The following MYO5A variants were observed in gnomAD, a reference collection of about 807,000 sequenced individuals.
MYO5A encodes unconventional myosin-Va.
In MYO5A, 98 loss-of-function variants were observed where a neutral mutation model predicts 249.7. The ratio of observed to expected loss-of-function variants is 0.39; its 90% CI spans 0.33 to 0.46. The LOEUF (loss-of-function observed/expected upper bound fraction) is 0.46. Ranked by LOEUF, MYO5A falls within the 20% of genes least tolerant of loss-of-function variation. MYO5A has a pLI of 0.98. For synonymous variants in MYO5A, 778 were observed against 810.6 expected, an observed-to-expected ratio of 0.96 and a Z score of 0.68; for missense variants, 1,696 against 2,308.8, an observed-to-expected ratio of 0.73 and a Z score of 5.44.
intron 30 of MYO5A, 133 bp from the exon 31 acceptor site, chr15:52,343,330 G>T: frequency 1.3e-6 from 1 of 759,076 alleles, no homozygotes; most frequent in Non-Finnish European, 2.3e-6. Flanking sequence ...ACAACTTTAA[G>T]ACATTACCAC....
chr15:52,389,390 G>T lies in MYO5A; in HGVS notation c.1543-27C>A, dbSNP rs1567079155. The stretch of plus-strand genomic sequence containing the variant: ...TATATTCATGGAAAAAAGGAAGAAA[G>T]AAAACAAGGTAAATACTGTGATTCC... On this transcript the variant is annotated intron_variant, in intron 12 of 41. Coordinates refer to ENST00000399233, the MANE Select transcript of MYO5A (RefSeq NM_001382347.1). 5 of 1,604,534 alleles carry T rather than the reference G, an allele frequency of 3.1e-6. No individual in the cohort carries two copies. In the Admixed American group the frequency reaches 6.7e-5, roughly 21 times the overall value.
At chr15:52,518,123 C>G (rs1459958952) in intron 1 of MYO5A, among the ~76,000 whole-genome samples, 1 of 152,040 alleles carries the variant, frequency 6.6e-6, no homozygotes. Flanking sequence ...CCCATCCCCA[C>G]CATCCCAAGA....
chr15:52,482,968 G>A (rs1305069780), intron 1 of MYO5A, among the ~76,000 whole-genome samples: 1 of 152,162 alleles, frequency 6.6e-6, no homozygotes, highest in East Asian at 1.9e-4. Context: ...GCACACATAT[G>A]AATACAGAGG....
chr15:52,356,772 G>T, intron 25 of MYO5A, among the ~76,000 whole-genome samples: 1 of 124,960 alleles, frequency 8.0e-6, no homozygotes, highest in Non-Finnish European at 1.5e-5. Flanking sequence ...GTGGCACTTC[G>T]CTGTTGATTT....
In MYO5A at chr15:52,317,036, A is replaced by C. The variant is rs1194824744; in HGVS notation, c.5409+12T>G. The C allele has an allele frequency of 2.5e-6, 4 of 1,609,842 alleles. No individual in the cohort carries two copies. Among genetic ancestry groups the C allele is most frequent in the Non-Finnish European group, 3.4e-6 (4 of 1,176,128 alleles). ...ATGTTAAATTATTTTGTAACAGGGA[A>C]AGTTGCTCTACCTGGGCAGTAGTTA... On this transcript the variant is annotated intron_variant, in intron 40 of 41. Coordinates refer to ENST00000399233, the MANE Select transcript of MYO5A (RefSeq NM_001382347.1).
chr15:52,467,627 C>G (rs964319454), intron 1 of MYO5A, among the ~76,000 whole-genome samples: 2 of 151,930 alleles, frequency 1.3e-5, no homozygotes, highest in Non-Finnish European at 2.9e-5. Flanking sequence ...GAAAATTTCC[C>G]AAGTCAAGAA....
chr15:52,465,698 A>G (rs896122545), intron 1 of MYO5A, among the ~76,000 whole-genome samples: 4 of 152,176 alleles, frequency 2.6e-5, no homozygotes, highest in Non-Finnish European at 4.4e-5. Flanking sequence ...TTTTAAAAAG[A>G]ACTCTTACAA....
chr15:52,413,138 ACT>A (rs1213172197), intron 5 of MYO5A, among the ~76,000 whole-genome samples: 10 of 137,252 alleles, frequency 7.3e-5, no homozygotes, highest in African/African-American at 2.7e-4. Context: ...CAAGAGCGAA[ACT>A]CTGTCTCAAA....
chr15:52,425,254 T>C (rs992304411), intron 4 of MYO5A, among the ~76,000 whole-genome samples: 1 of 152,230 alleles, frequency 6.6e-6, no homozygotes, highest in Admixed American at 6.5e-5. Flanking sequence ...CTGTAAAACA[T>C]AACATCTGCA....
chr15:52,347,436 T>A (rs1388447463), intron 29 of MYO5A, among the ~76,000 whole-genome samples: 2 of 152,204 alleles, frequency 1.3e-5, no homozygotes, highest in Non-Finnish European at 2.9e-5. Flanking sequence ...AAAATTCAAC[T>A]CAAAAGCTTT....
At chr15:52,314,061 T>C in intron 41 of MYO5A, 62 bp downstream of exon 41, 1 of 1,426,836 alleles carries the variant, frequency 7.0e-7, no homozygotes, top group South Asian at 1.2e-5. Flanking sequence ...CTTCAATAAA[T>C]TACAAAATGT....
In MYO5A at chr15:52,508,060, A is replaced by G. The variant is rs374647704; in HGVS notation, c.27+20720T>C. 4.6e-5 allele frequency among the ~76,000 whole-genome samples: 7 copies of G among 150,816 alleles called. No homozygotes were observed. The East Asian group carries it at 1.4e-3, about 30-fold the overall frequency. ...TTATGGTCACACAAGGAGAAGCTCA[A>G]CCTAACTCTAGAGATGATGCCCTTA... On this transcript the variant is annotated intron_variant, in intron 1 of 41. Transcript: ENST00000399233.
At chr15:52,400,123 C>T (rs2042682583) in intron 9 of MYO5A, among the ~76,000 whole-genome samples, 1 of 152,068 alleles carries the variant, frequency 6.6e-6, no homozygotes, top group South Asian at 2.1e-4. Context: ...GGTTGTCCTA[C>T]TTTTCAACAT....
intron 1 of MYO5A, among the ~76,000 whole-genome samples, chr15:52,494,062 TAGAC>T (rs1422041251): frequency 6.6e-6 from 1 of 152,102 alleles, no homozygotes; most frequent in African/African-American, 2.4e-5. Context: ...CGACCTGTAA[TAGAC>T]AGAAAAGAAT....
chr15:52,511,033 T>C (rs956224835), intron 1 of MYO5A, among the ~76,000 whole-genome samples: 24 of 152,174 alleles, frequency 1.6e-4, no homozygotes, highest in Admixed American at 1.5e-3. Flanking sequence ...AAAAGACAAA[T>C]TGGACCTCAA....
At chr15:52,358,892 G>C (rs2040380158) in intron 25 of MYO5A, among the ~76,000 whole-genome samples, 1 of 152,108 alleles carries the variant, frequency 6.6e-6, no homozygotes, top group South Asian at 2.1e-4. Context: ...TTATATCCAT[G>C]GGCCCCAGCC....
intron 14 of MYO5A, among the ~76,000 whole-genome samples, chr15:52,384,872 T>C (rs1356561813): frequency 6.6e-6 from 1 of 152,202 alleles, no homozygotes; most frequent in Non-Finnish European, 1.5e-5. Context: ...TATTAGAAGG[T>C]TTTAAAAGTT....
chr15:52,455,295 A>G (rs981156199), intron 1 of MYO5A, among the ~76,000 whole-genome samples: 5 of 152,116 alleles, frequency 3.3e-5, no homozygotes, highest in Admixed American at 3.3e-4. Context: ...ATAATGAGTA[A>G]TAAGTAATAA....
At position 52,364,548 on chromosome 15, in the gene MYO5A, A is replaced by T; in HGVS notation, c.3309+6T>A. ...ATTAAAAAAAAAACAAAAGTGTTTG[A>T]CTCACCACCATAAGGGTCATCTCTT... On this transcript the variant is annotated splice_donor_region_variant and intron_variant, in intron 24 of 41. Coordinates refer to ENST00000399233, the MANE Select transcript of MYO5A (RefSeq NM_001382347.1). 1 of 1,608,842 alleles carries T rather than the reference A, an allele frequency of 6.2e-7. No individual in the cohort carries two copies. Among genetic ancestry groups the T allele is most frequent in the Middle Eastern group, 1.7e-4 (1 of 6,032 alleles).
Sources: allele counts gnomAD v4.1 joint callset (sites outside exome capture counted in the v4.1 genomes callset), GRCh38; gene constraint gnomAD v4.1.1; transcripts MANE v1.5; gene names NCBI Gene and HGNC (gene_info 2026-07-23, HGNC 2026-07-21).